CACNA1H: variants seen among roughly 807,000 people sequenced by gnomAD.
The protein encoded by CACNA1H is calcium voltage-gated channel subunit alpha1 H.
Under a neutral mutation model 192.5 loss-of-function variants are expected in CACNA1H, and 149 were observed. The ratio of observed to expected loss-of-function variants is 0.77; its 90% CI spans 0.68 to 0.89. CACNA1H has a LOEUF of 0.89. Ranked by LOEUF, CACNA1H falls within the 40% of genes least tolerant of loss-of-function variation. The pLI is 0.00. For synonymous variants in CACNA1H, 2,202 were observed against 1,475.2 expected (o/e 1.49, Z -11.29); for missense variants, 4,257 against 3,423.5 (o/e 1.24, Z -6.08).
intron 2 of CACNA1H, 70 bp downstream of exon 2, chr16:1,154,106 C>T (rs1279359611): frequency 3.8e-6 from 4 of 1,049,386 alleles, no homozygotes; most frequent in Non-Finnish European, 4.9e-6. Flanking sequence ...GGGCGCGGGA[C>T]TCCCTCGGCA....
chr16:1,211,504 C>T lies in CACNA1H; in HGVS notation c.4374C>T (p.Tyr1458=). 4 of 1,612,484 alleles carry T rather than the reference C, an allele frequency of 2.5e-6. No homozygotes were observed. Among genetic ancestry groups the T allele is most frequent in the Non-Finnish European group, 3.4e-6 (4 of 1,179,708 alleles). The change falls in exon 23 of 35, where the codon TAC becomes TAT. Residue 1458 remains tyrosine (Y), a synonymous_variant. Transcript: ENST00000348261. ...GVQLFKGKFY[Y]CEGPDTRNIS... ...AGCTCTTCAAAGGGAAGTTCTACTACTGCGAGGGCCCCGACACCAGGAACA... is the reference window on the plus strand; with the variant it reads ...AGCTCTTCAAAGGGAAGTTCTACTATTGCGAGGGCCCCGACACCAGGAACA...
chr16:1,196,160 C>G (rs1966942364), intron 5 of CACNA1H, 137 bp downstream of exon 5: 2 of 684,674 alleles, frequency 2.9e-6, no homozygotes, highest in South Asian at 3.5e-5. Flanking sequence ...CAGCCCAGAC[C>G]CCAGCAGTGG....
At chr16:1,209,523 T>A in intron 17 of CACNA1H, 111 bp downstream of exon 17, 1 of 1,355,368 alleles carries the variant, frequency 7.4e-7, no homozygotes, top group Non-Finnish European at 1.0e-6. Flanking sequence ...CTGAGGGGAT[T>A]CAGAAGGGGA....
At chr16:1,206,754 C>T (rs1192941872) in intron 12 of CACNA1H, 9 of 507,684 alleles carry the variant, frequency 1.8e-5, no homozygotes, top group East Asian at 1.6e-4. Context: ...AGTGGCTTCC[C>T]TCTGTCTGTC....
intron 25 of CACNA1H, among the ~76,000 whole-genome samples, 168 bp from the exon 26 acceptor site, chr16:1,212,343 A>C (rs1391866077): frequency 1.3e-5 from 2 of 151,258 alleles, no homozygotes; most frequent in African/African-American, 4.9e-5. Flanking sequence ...AGGAGGAGAC[A>C]CCCCCAACCC....
At position 1,207,260 on chromosome 16, in the gene CACNA1H, CCTG is replaced by C; in HGVS notation, c.2908-12_2908-10del. ...GGGCTGGGGTGACCACCCCAGGCCCCCTGCTATCCCCCAGATCCTGACCCAGGA... is the reference window on the plus strand; with the variant it reads ...GGGCTGGGGTGACCACCCCAGGCCCCCTATCCCCCAGATCCTGACCCAGGA... On this transcript the variant is annotated splice_polypyrimidine_tract_variant and intron_variant, in intron 13 of 34. Coordinates refer to ENST00000348261, the MANE Select transcript of CACNA1H (RefSeq NM_021098.3). 6.3e-7 allele frequency: 1 copy of C among 1,596,394 alleles called. No homozygotes were observed. The highest frequency in any genetic ancestry group is 1.1e-5 in the South Asian group (1 of 89,272).
intron 5 of CACNA1H, among the ~76,000 whole-genome samples, chr16:1,198,385 G>A (rs1041281365): frequency 8.5e-5 from 13 of 152,292 alleles, no homozygotes; most frequent in East Asian, 3.9e-4. Flanking sequence ...CTGGATGCAC[G>A]TCAGACCCCA....
chr16:1,188,902 G>A (rs1439141180), intron 2 of CACNA1H, among the ~76,000 whole-genome samples: 1 of 152,208 alleles, frequency 6.6e-6, no homozygotes, highest in Non-Finnish European at 1.5e-5. Context: ...AGCCGCTGCA[G>A]CACTGCCCGC....
Position 1,218,453 on chromosome 16 carries a change from G to C in CACNA1H, c.5689G>C (p.Asp1897His). 6.4e-7 allele frequency: 1 copy of C among 1,551,862 alleles called. No homozygotes were observed. The highest frequency in any genetic ancestry group is 8.7e-7 in the Non-Finnish European group (1 of 1,148,084). ...GPGSARRVDADRPPLPQESPG... is the reference protein window; with the variant it reads ...GPGSARRVDAHRPPLPQESPG... Reference sequence around the variant, plus strand: ...CGGGAGTGCACGCCGGGTGGACGCGGACAGGCCTCCCTTGCCCCAGGAGAG... The same window carrying C: ...CGGGAGTGCACGCCGGGTGGACGCGCACAGGCCTCCCTTGCCCCAGGAGAG... Residue 1897 changes from aspartate to histidine, a missense_variant, in exon 33 of 35, where the codon GAC (aspartate) becomes CAC (histidine). Transcript: ENST00000348261.
At chr16:1,174,948 A>G (rs1483992008) in intron 2 of CACNA1H, among the ~76,000 whole-genome samples, 3 of 10,850 alleles carry the variant, frequency 2.8e-4, no homozygotes, top group Admixed American at 8.0e-4. Context: ...CCACCCCCCC[A>G]CCCCCCACCT....
intron 2 of CACNA1H, among the ~76,000 whole-genome samples, chr16:1,193,208 C>T (rs1020252674): frequency 2.5e-4 from 38 of 151,202 alleles, no homozygotes; most frequent in Non-Finnish European, 8.9e-5. Flanking sequence ...GAAATGATGG[C>T]CCTCAGAGAT....
In CACNA1H at chr16:1,206,576, C is replaced by T. The variant is rs186749872; in HGVS notation, c.2789+287C>T. ...GCAGAATACCGGGGGTGGGGGCAGGCACCAGGCTCCAACTGGGGTGTTCTG... is the reference window on the plus strand; with the variant it reads ...GCAGAATACCGGGGGTGGGGGCAGGTACCAGGCTCCAACTGGGGTGTTCTG... On this transcript the variant is annotated intron_variant, in intron 12 of 34. Coordinates refer to ENST00000348261, the MANE Select transcript of CACNA1H (RefSeq NM_021098.3). The T allele has an allele frequency of 2.8e-4, 137 of 486,242 alleles. 2 individuals carry two copies. Among genetic ancestry groups the T allele is most frequent in the South Asian group, 2.8e-3 (110 of 39,562 alleles). 30.1% of individuals were successfully genotyped at this position (486,242 alleles called of 1,614,324 possible).
At chr16:1,158,374 G>A (rs942190543) in intron 2 of CACNA1H, among the ~76,000 whole-genome samples, 2 of 152,100 alleles carry the variant, frequency 1.3e-5, no homozygotes, top group South Asian at 2.1e-4. Flanking sequence ...TGACGACAGG[G>A]TAGGGGGTCC....
At position 1,153,298 on chromosome 16, in the gene CACNA1H, G is replaced by C. The variant is rs1961818601; in HGVS notation, c.-191G>C. Reference sequence around the variant, plus strand: ...CCGGAGCCGGAGTCGAGCCGCGGCCGGGAGCCGGGCGGGCTGGGGACGCGG... The same window carrying C: ...CCGGAGCCGGAGTCGAGCCGCGGCCCGGAGCCGGGCGGGCTGGGGACGCGG... On this transcript the variant is annotated 5_prime_UTR_variant, in exon 1 of 35. Transcript: ENST00000348261. 1 of 144,946 alleles carries C rather than the reference G, an allele frequency of 6.9e-6. No homozygotes were observed. The highest frequency in any genetic ancestry group is 1.5e-5 in the Non-Finnish European group (1 of 65,042). The allele number at this position is 144,946 out of a possible 1,614,324, so 9.0% of individuals were successfully genotyped here.
chr16:1,216,571 G>C (rs1415261227), intron 30 of CACNA1H, among the ~76,000 whole-genome samples: 1 of 152,266 alleles, frequency 6.6e-6, no homozygotes, highest in Non-Finnish European at 1.5e-5. Context: ...GGGCGGGCCA[G>C]AGCCCCCAGG....
At chr16:1,155,937 G>T (rs886745163) in intron 2 of CACNA1H, among the ~76,000 whole-genome samples, 3 of 152,114 alleles carry the variant, frequency 2.0e-5, no homozygotes, top group Non-Finnish European at 4.4e-5. Flanking sequence ...TGACCTGACA[G>T]GAGTATGCTC....
intron 2 of CACNA1H, among the ~76,000 whole-genome samples, chr16:1,162,427 A>C (rs926991201): frequency 2.2e-4 from 34 of 152,148 alleles, no homozygotes; most frequent in African/African-American, 7.7e-4. Context: ...TGACGCAGTA[A>C]CAGGAGTCAG....
At chr16:1,158,495 C>T (rs1285838233) in intron 2 of CACNA1H, among the ~76,000 whole-genome samples, 1 of 152,222 alleles carries the variant, frequency 6.6e-6, no homozygotes, top group Non-Finnish European at 1.5e-5. Flanking sequence ...ATTCCCTCCC[C>T]TTCATGGAAG....
chr16:1,179,334 G>A (rs886505584), intron 2 of CACNA1H, among the ~76,000 whole-genome samples: 1 of 152,194 alleles, frequency 6.6e-6, no homozygotes, highest in Non-Finnish European at 1.5e-5. Context: ...CGGAAACCCT[G>A]GCTGACCAGG....
Sources: allele counts gnomAD v4.1 joint callset (sites outside exome capture counted in the v4.1 genomes callset), GRCh38; gene constraint gnomAD v4.1.1; transcripts MANE v1.5; gene names NCBI Gene and HGNC (gene_info 2026-07-23, HGNC 2026-07-21).